The following CLVS1 variants were observed in gnomAD, a reference collection of about 807,000 sequenced individuals.
CLVS1 encodes clavesin 1.
CLVS1 carries 10 observed loss-of-function variants against 33.1 expected under a neutral mutation model. The observed-to-expected ratio is 0.30, with a 90% CI of 0.19 to 0.51. The LOEUF is 0.51. Among genes scored for constraint, CLVS1 ranks in the 20% least tolerant of loss-of-function variants. The pLI, the probability that CLVS1 is intolerant of heterozygous loss-of-function variation, is 0.97. For synonymous variants in CLVS1, 163 were observed against 166.1 expected (o/e 0.98, Z 0.14); for missense variants, 343 against 433.4 (o/e 0.79, Z 1.85).
At chr8:61,481,924 T>A (rs926915270) in intron 5 of CLVS1, among the ~76,000 whole-genome samples, 5 of 152,102 alleles carry the variant, frequency 3.3e-5, no homozygotes, top group Non-Finnish European at 7.4e-5. Context: ...GACCCCTGAG[T>A]AGTCTAACTG....
chr8:61,238,352 C>T (rs1808613885), intron 2 of CLVS1, among the ~76,000 whole-genome samples: 1 of 151,870 alleles, frequency 6.6e-6, no homozygotes, highest in Non-Finnish European at 1.5e-5. Context: ...TTACTACCCT[C>T]CACTGTTCTC....
the CLVS1 span, among the ~76,000 whole-genome samples, chr8:61,011,026 C>T: frequency 6.6e-6 from 1 of 152,250 alleles, no homozygotes; most frequent in Non-Finnish European, 1.5e-5. Flanking sequence ...GCTTTTCCTT[C>T]CACGCCTGTC....
chr8:61,180,009 TA>T (rs1414527584), intron 2 of CLVS1, among the ~76,000 whole-genome samples: 12 of 151,762 alleles, frequency 7.9e-5, no homozygotes, highest in Admixed American at 7.9e-4. Flanking sequence ...CTGAAGGAAA[TA>T]GAAACATGAG....
chr8:61,487,941 AC>A (rs1228183425), intron 5 of CLVS1, among the ~76,000 whole-genome samples: 1 of 152,206 alleles, frequency 6.6e-6, no homozygotes, highest in Non-Finnish European at 1.5e-5. Flanking sequence ...AGTTTGTTCT[AC>A]CAAAGTAACT....
At chr8:61,402,400 A>G (rs1445415606) in intron 3 of CLVS1, among the ~76,000 whole-genome samples, 1 of 152,082 alleles carries the variant, frequency 6.6e-6, no homozygotes, top group Non-Finnish European at 1.5e-5. Context: ...AATCCCCAAT[A>G]CCAGTTATTA....
intron 2 of CLVS1, chr8:61,300,889 G>A (rs2129594702): frequency 6.6e-6 from 1 of 152,316 alleles, no homozygotes; most frequent in African/African-American, 2.4e-5. Flanking sequence ...CCTTGCTTTG[G>A]TCTTTACATC....
At chr8:61,120,084 T>C (rs1434973791) in intron 1 of CLVS1, among the ~76,000 whole-genome samples, 1 of 148,678 alleles carries the variant, frequency 6.7e-6, no homozygotes, top group Admixed American at 6.6e-5. Context: ...TTTTATTCTT[T>C]TTTCTCTAAA....
chr8:61,443,437 A>AT (rs571251063), intron 3 of CLVS1, among the ~76,000 whole-genome samples: 1 of 151,994 alleles, frequency 6.6e-6, no homozygotes, highest in African/African-American at 2.4e-5. Context: ...TAAGTCAGGT[A>AT]TTTTTTTGTT....
chr8:61,228,170 A>G (rs1808367142), intron 2 of CLVS1, among the ~76,000 whole-genome samples: 1 of 152,054 alleles, frequency 6.6e-6, no homozygotes, highest in African/African-American at 2.4e-5. Flanking sequence ...TTAAAATTTG[A>G]TTTTATTTAA....
At chr8:61,392,907 G>A (rs1293518535) in intron 3 of CLVS1, among the ~76,000 whole-genome samples, 1 of 151,976 alleles carries the variant, frequency 6.6e-6, no homozygotes, top group Non-Finnish European at 1.5e-5. Flanking sequence ...TTTTGAGAAA[G>A]AGTTTTGCTC....
At chr8:61,472,219 A>G (rs1196445324) in intron 5 of CLVS1, among the ~76,000 whole-genome samples, 1 of 152,228 alleles carries the variant, frequency 6.6e-6, no homozygotes, top group Non-Finnish European at 1.5e-5. Context: ...CCTATGTATT[A>G]TATCTCCTTT....
At chr8:61,498,069 C>G (rs762036521) in intron 5 of CLVS1, among the ~76,000 whole-genome samples, 2 of 152,200 alleles carry the variant, frequency 1.3e-5, no homozygotes. Flanking sequence ...CATTCTGTGA[C>G]TAAGAATGCC....
intron 3 of CLVS1, among the ~76,000 whole-genome samples, chr8:61,427,489 GT>G (rs1370482322): frequency 6.6e-6 from 1 of 152,192 alleles, no homozygotes; most frequent in African/African-American, 2.4e-5. Flanking sequence ...AACAGCAGTT[GT>G]ATAGGGAAAG....
In CLVS1 at chr8:61,501,333, T is replaced by G. The variant is rs931175107; in HGVS notation, c.*1791T>G. 12 of 152,192 alleles carry G rather than the reference T, an allele frequency of 7.9e-5. No homozygotes were observed. Among genetic ancestry groups the G allele is most frequent in the African/African-American group, 2.9e-4 (12 of 41,476 alleles). The allele number at this position is 152,192 out of a possible 1,614,324, so 9.4% of individuals were successfully genotyped here. On this transcript the variant is annotated 3_prime_UTR_variant, in exon 6 of 6. Transcript: ENST00000325897. ...TATTGACAACACTTTGCAACAGTAA[T>G]ACCATTTCTAGCTTTTCAATTGGCA...
At chr8:61,248,988 A>T (rs1808877419) in intron 2 of CLVS1, among the ~76,000 whole-genome samples, 1 of 152,120 alleles carries the variant, frequency 6.6e-6, no homozygotes, top group Non-Finnish European at 1.5e-5. Context: ...ATAGAGATAC[A>T]CGTGCCATGG....
At chr8:61,481,980 G>A (rs891546314) in intron 5 of CLVS1, among the ~76,000 whole-genome samples, 2 of 152,170 alleles carry the variant, frequency 1.3e-5, no homozygotes, top group South Asian at 2.1e-4. Context: ...ATACAGCTAG[G>A]TGCCCCTCTG....
chr8:61,493,468 T>C (rs1232092411), intron 5 of CLVS1, among the ~76,000 whole-genome samples: 1 of 152,184 alleles, frequency 6.6e-6, no homozygotes, highest in Non-Finnish European at 1.5e-5. Flanking sequence ...TATCTAATCC[T>C]CATCATCCCC....
the CLVS1 span, chr8:60,966,231 C>T: frequency 4.3e-5 from 16 of 374,970 alleles, no homozygotes; most frequent in Middle Eastern, 9.3e-4. Flanking sequence ...CCCTAACTAG[C>T]GCGGCTGTGA....
intron 2 of CLVS1, among the ~76,000 whole-genome samples, chr8:61,212,714 T>G (rs1162168637): frequency 6.6e-6 from 1 of 152,048 alleles, no homozygotes; most frequent in Non-Finnish European, 1.5e-5. Flanking sequence ...AGAGCGGGTG[T>G]GAATAAGGTG....
Sources: gnomAD v4.1 joint callset for allele counts (sites outside exome capture counted in the v4.1 genomes callset) on GRCh38, gnomAD v4.1.1 for gene constraint, MANE v1.5 for transcripts, NCBI Gene and HGNC (gene_info 2026-07-23, HGNC 2026-07-21) for gene names.